Variants in NKTR observed in about 807,000 individuals in gnomAD.
The protein encoded by NKTR is NK-tumor recognition protein.
In NKTR, 67 loss-of-function variants were observed where a neutral mutation model predicts 156.3. The observed-to-expected ratio is 0.43, with a 90% confidence interval of 0.35 to 0.53. The LOEUF (loss-of-function observed/expected upper bound fraction) is 0.53. Among genes scored for constraint, NKTR ranks in the 20% least tolerant of loss-of-function variants. The pLI, the probability that NKTR is intolerant of heterozygous loss-of-function variation, is 0.01. For synonymous variants in NKTR, 640 were observed against 596.6 expected (o/e 1.07, Z -1.06); for missense variants, 1,604 against 1,730.9 (o/e 0.93, Z 1.30).
In NKTR at chr3:42,617,589, G is replaced by T; in HGVS notation, c.78G>T (p.Gln26His). ...TTTCAGTTGGTCGCATTATGTTTCA[G>T]CTCTTCTCAGACATATGTCCAAAAA... is the stretch of plus-strand genomic sequence containing the variant. ...NREPVGRIMF[Q>H]LFSDICPKTC... Residue 26 changes from glutamine to histidine, a missense_variant, in exon 3 of 17, where the codon CAG (glutamine) becomes CAT (histidine). Around this residue, in one of 6 missense-constraint regions of NKTR, gnomAD observed 73 missense variants for 90.7 expected, o/e 0.80. Transcript: ENST00000232978. 1 of 1,599,630 alleles carries T rather than the reference G, an allele frequency of 6.3e-7. No homozygotes were observed. The highest frequency in any genetic ancestry group is 8.6e-7 in the Non-Finnish European group (1 of 1,167,550).
chr3:42,612,234 T>C (rs1237114855), intron 2 of NKTR: 3 of 152,070 alleles, frequency 2.0e-5, no homozygotes, highest in Non-Finnish European at 4.4e-5. Flanking sequence ...TTATCAATAT[T>C]TGCTTGTGTA....
In NKTR at chr3:42,632,841, A is replaced by G. The variant is rs369875456; in HGVS notation, c.773+18A>G. On this transcript the variant is annotated intron_variant, in intron 9 of 16. Transcript: ENST00000232978. Reference sequence around the variant, plus strand: ...CCAAAAGGGTACGTGTAAAACACCAATGTACTCTTACCTAAAAACAAACAC... The same window carrying G: ...CCAAAAGGGTACGTGTAAAACACCAGTGTACTCTTACCTAAAAACAAACAC... 34 of 1,528,322 alleles carry G rather than the reference A, an allele frequency of 2.2e-5. No individual in the cohort carries two copies. The African/African-American group carries it at 2.6e-4, about 12-fold the overall frequency. The allele number at this position is 1,528,322 out of a possible 1,614,324, so 94.7% of individuals were successfully genotyped here.
chr3:42,602,276 T>C (rs1705574903), intron 2 of NKTR: 1 of 152,232 alleles, frequency 6.6e-6, no homozygotes, highest in Admixed American at 6.5e-5. Context: ...CTGTACAGGT[T>C]TGTAGCCTAG....
chr3:42,609,249 G>A (rs1160293470), intron 2 of NKTR, among the ~76,000 whole-genome samples: 1 of 152,100 alleles, frequency 6.6e-6, no homozygotes, highest in Non-Finnish European at 1.5e-5. Context: ...GTCAAATGTA[G>A]GAACTGGGGA....
chr3:42,612,092 CTCTG>C (rs1339441911), intron 2 of NKTR, among the ~76,000 whole-genome samples: 3 of 152,202 alleles, frequency 2.0e-5, no homozygotes, highest in East Asian at 1.9e-4. Context: ...CAGAGCGAGA[CTCTG>C]TCTCTTAAAA....
At chr3:42,619,903 T>G in intron 5 of NKTR, 195 bp downstream of exon 5, 1 of 1,428,824 alleles carries the variant, frequency 7.0e-7, no homozygotes, top group Non-Finnish European at 9.1e-7. Flanking sequence ...ACAAGATTAA[T>G]TAAGGCTAAC....
intron 12 of NKTR, 69 bp from the exon 13 acceptor site, chr3:42,636,799 A>G: frequency 6.7e-7 from 1 of 1,491,742 alleles, no homozygotes; most frequent in Non-Finnish European, 8.9e-7. Flanking sequence ...TGTTGTTAAC[A>G]AAGCTGTGTC....
chr3:42,640,337 A>G (rs1309489354), intron 13 of NKTR, among the ~76,000 whole-genome samples: 3 of 152,240 alleles, frequency 2.0e-5, no homozygotes, highest in Non-Finnish European at 2.9e-5. Context: ...TATAAATTGC[A>G]TCATAACTTG....
intron 3 of NKTR, among the ~76,000 whole-genome samples, chr3:42,618,219 C>T (rs2125780970): frequency 6.6e-6 from 1 of 151,626 alleles, no homozygotes. Flanking sequence ...GGCGTAGTGG[C>T]AGGCGCCTGT....
intron 3 of NKTR, among the ~76,000 whole-genome samples, chr3:42,617,885 G>C (rs1330511669): frequency 6.6e-6 from 1 of 151,946 alleles, no homozygotes; most frequent in African/African-American, 2.4e-5. Flanking sequence ...TTATATAATG[G>C]AATCTTCTCT....
chr3:42,621,310 C>A, intron 5 of NKTR, 119 bp from the exon 6 acceptor site: 1 of 1,352,136 alleles, frequency 7.4e-7, no homozygotes. Flanking sequence ...AGTGTTCAGT[C>A]AAGTTATCTG....
intron 6 of NKTR, chr3:42,627,742 C>T: frequency 2.0e-6 from 2 of 982,908 alleles, no homozygotes; most frequent in Non-Finnish European, 2.4e-6. Context: ...TTGAAATGTT[C>T]TTTGTGGTTT....
chr3:42,644,227 T>C (rs1281693806), intron 16 of NKTR, among the ~76,000 whole-genome samples: 2 of 152,214 alleles, frequency 1.3e-5, no homozygotes, highest in South Asian at 2.1e-4. Flanking sequence ...TGTTTGAATC[T>C]AAAATGGGTT....
At chr3:42,604,915 C>T (rs1706080879) in intron 2 of NKTR, among the ~76,000 whole-genome samples, 1 of 151,786 alleles carries the variant, frequency 6.6e-6, no homozygotes, top group South Asian at 2.1e-4. Flanking sequence ...GTCTTGAACT[C>T]CTGGGCCCAA....
At chr3:42,604,248 A>G (rs1315675483) in intron 2 of NKTR, among the ~76,000 whole-genome samples, 1 of 151,980 alleles carries the variant, frequency 6.6e-6, no homozygotes, top group African/African-American at 2.4e-5. Flanking sequence ...CCAGATTTTG[A>G]TCTGATTGAA....
Position 42,617,640 on chromosome 3 carries a change from C to T in NKTR, c.129C>T (p.Cys43=), listed in dbSNP as rs370784121. 5.1e-5 allele frequency: 80 copies of T among 1,556,080 alleles called. No homozygotes were observed. Among genetic ancestry groups the T allele is most frequent in the Non-Finnish European group, 6.6e-5 (74 of 1,127,782 alleles). ...PKTCKNFLCL[C]SGEKGLGKTT... is the part of the protein sequence containing the mutation. ...CATGCAAAAACTTCCTTTGCTTGTG[C>T]TCAGGTAAGTGAATTATTATTTCCA... Residue 43 remains cysteine (C), a synonymous_variant, in exon 3 of 17, where the codon TGC becomes TGT. Coordinates refer to ENST00000232978, the MANE Select transcript of NKTR (RefSeq NM_005385.4).
At chr3:42,614,222 G>A (rs1357441625) in intron 2 of NKTR, among the ~76,000 whole-genome samples, 1 of 152,214 alleles carries the variant, frequency 6.6e-6, no homozygotes, top group Non-Finnish European at 1.5e-5. Context: ...TCATCAGCAG[G>A]TGTTCTTAAC....
At chr3:42,618,679 C>T (rs1707629876) in intron 3 of NKTR, among the ~76,000 whole-genome samples, 1 of 152,054 alleles carries the variant, frequency 6.6e-6, no homozygotes, top group Non-Finnish European at 1.5e-5. Context: ...AACTCCTGAC[C>T]TCAAGTGATC....
intron 2 of NKTR, among the ~76,000 whole-genome samples, chr3:42,608,393 C>T (rs1706443494): frequency 6.6e-6 from 1 of 152,072 alleles, no homozygotes. Context: ...CTTACTATTA[C>T]TGGTTTATTA....
Sources: allele counts gnomAD v4.1 joint callset (sites outside exome capture counted in the v4.1 genomes callset), GRCh38; gene constraint gnomAD v4.1.1; regional missense constraint gnomAD v4.1.1; transcripts MANE v1.5; gene names NCBI Gene and HGNC (gene_info 2026-07-23, HGNC 2026-07-21).